The following ALG5 variants were observed in gnomAD, a reference collection of about 807,000 sequenced individuals.
ALG5 encodes ALG5 dolichyl-phosphate beta-glucosyltransferase.
Under a neutral mutation model 51.8 loss-of-function variants are expected in ALG5, and 26 were observed. The ratio of observed to expected loss-of-function variants is 0.50; its 90% CI spans 0.37 to 0.70. ALG5 has a LOEUF of 0.70. Among genes scored for constraint, ALG5 ranks in the 30% least tolerant of loss-of-function variants. The pLI is 0.00. For missense variants in ALG5, 311 were observed against 399.3 expected (o/e 0.78, Z 1.88); for synonymous variants, 141 against 136.1 (o/e 1.04, Z -0.25).
At position 36,999,249 on chromosome 13, in the gene ALG5, C is replaced by CG. The variant is rs756364079; in HGVS notation, c.51dup (p.Ala18ArgfsTer24). 1 of 1,579,760 alleles carries CG rather than the reference C, an allele frequency of 6.3e-7. No individual in the cohort carries two copies. The highest frequency in any genetic ancestry group is 8.6e-7 in the Non-Finnish European group (1 of 1,165,964). ...CCTGTTCTCACCAGTACGAGGGCTG[C>CG]GGCCGCCAGCGCCGCGCCGAGCACC... On this transcript the variant is annotated frameshift_variant, in exon 1 of 10. Coordinates refer to ENST00000239891, the MANE Select transcript of ALG5 (RefSeq NM_013338.5). LOFTEE classifies it high-confidence loss of function.
chr13:36,987,687 T>A (rs1201324938), intron 5 of ALG5, among the ~76,000 whole-genome samples: 2 of 152,318 alleles, frequency 1.3e-5, no homozygotes, highest in East Asian at 3.9e-4. Flanking sequence ...TTATCCAGTC[T>A]CAGGTATTTC....
chr13:36,988,690 G>A (rs2059012461), intron 5 of ALG5, among the ~76,000 whole-genome samples: 1 of 151,818 alleles, frequency 6.6e-6, no homozygotes, highest in Admixed American at 6.5e-5. Context: ...GGCAACATGT[G>A]ATGATTTGTA....
At chr13:36,983,949 T>C (rs1267248805) in intron 6 of ALG5, among the ~76,000 whole-genome samples, 2 of 152,166 alleles carry the variant, frequency 1.3e-5, no homozygotes, top group Non-Finnish European at 2.9e-5. Flanking sequence ...CTTATATGTT[T>C]ACCTTTTTGT....
At chr13:36,995,675 C>T in intron 1 of ALG5, 79 bp from the exon 2 acceptor site, 1 of 1,325,376 alleles carries the variant, frequency 7.5e-7, no homozygotes, top group Non-Finnish European at 1.0e-6. Context: ...TAGAATACAT[C>T]ATCTACTTTT....
chr13:36,974,845 T>C (rs1010013408), intron 6 of ALG5, among the ~76,000 whole-genome samples: 2 of 152,112 alleles, frequency 1.3e-5, no homozygotes, highest in South Asian at 2.1e-4. Flanking sequence ...CTTAATACCA[T>C]CAGACATACA....
At chr13:36,974,851 A>G (rs1450889951) in intron 6 of ALG5, among the ~76,000 whole-genome samples, 2 of 152,178 alleles carry the variant, frequency 1.3e-5, no homozygotes, top group African/African-American at 2.4e-5. Flanking sequence ...ACCATCAGAC[A>G]TACATATTTC....
chr13:36,949,925 T>G lies in ALG5; in HGVS notation c.*17A>C. The G allele has an allele frequency of 6.5e-7, 1 of 1,549,976 alleles. No individual in the cohort carries two copies. Among genetic ancestry groups the G allele is most frequent in the African/African-American group, 1.4e-5 (1 of 73,374 alleles). On this transcript the variant is annotated 3_prime_UTR_variant, in exon 10 of 10. Transcript: ENST00000239891. ...TGACACTGAAGCATAAGAACACAAC[T>G]GAAGACTGCAAACAACCTAATTCAT... is the stretch of plus-strand genomic sequence containing the variant.
At chr13:36,972,099 T>G in intron 6 of ALG5, 63 bp from the exon 7 acceptor site, 1 of 1,216,248 alleles carries the variant, frequency 8.2e-7, no homozygotes, top group Non-Finnish European at 1.2e-6. Flanking sequence ...ATATTTATTT[T>G]CAATGAGAAT....
intron 8 of ALG5, among the ~76,000 whole-genome samples, chr13:36,957,455 GC>G (rs2058845113): frequency 6.6e-6 from 1 of 151,968 alleles, no homozygotes; most frequent in Non-Finnish European, 1.5e-5. Context: ...AGTGACAATG[GC>G]CCCGCTTTCA....
intron 3 of ALG5, among the ~76,000 whole-genome samples, chr13:36,994,682 CAA>C (rs1242694744): frequency 4.0e-5 from 6 of 151,700 alleles, no homozygotes; most frequent in Non-Finnish European, 5.9e-5. Context: ...TGGCATCATA[CAA>C]AGTCTGCAGA....
chr13:36,950,333 T>C (rs2058812777), intron 9 of ALG5, among the ~76,000 whole-genome samples: 1 of 152,144 alleles, frequency 6.6e-6, no homozygotes, highest in Non-Finnish European at 1.5e-5. Flanking sequence ...CTACATATGG[T>C]GAGGGCTCTA....
At chr13:36,989,858 A>C (rs1453642374) in intron 4 of ALG5, among the ~76,000 whole-genome samples, 1 of 152,200 alleles carries the variant, frequency 6.6e-6, no homozygotes, top group Non-Finnish European at 1.5e-5. Flanking sequence ...GAGCTGCTAA[A>C]AAACAAACAA....
At chr13:36,961,938 C>T (rs1327315204) in intron 8 of ALG5, among the ~76,000 whole-genome samples, 4 of 152,064 alleles carry the variant, frequency 2.6e-5, no homozygotes, top group African/African-American at 4.8e-5. Context: ...CCTACCACCA[C>T]GCTTGGCTAA....
chr13:36,976,425 CAAAAAAAAAAAAAAA>C (rs57192095), intron 6 of ALG5, among the ~76,000 whole-genome samples: 31 of 36,616 alleles, frequency 8.5e-4, no homozygotes, highest in South Asian at 1.3e-3. Context: ...GACTCTGTCT[CAAAAAAAAAAAAAAA>C]AAAAAAAAAA....
chr13:36,961,629 A>G (rs1366226212), intron 8 of ALG5, among the ~76,000 whole-genome samples: 1 of 152,220 alleles, frequency 6.6e-6, no homozygotes, highest in African/African-American at 2.4e-5. Context: ...ACAACTGTAT[A>G]TATATGTATC....
At chr13:36,999,135 T>C in intron 1 of ALG5, 100 bp downstream of exon 1, 2 of 1,156,906 alleles carry the variant, frequency 1.7e-6, no homozygotes, top group South Asian at 2.1e-5. Context: ...AAGGGACTTC[T>C]CCGAGAACTG....
At chr13:36,993,021 C>T (rs1460756787) in intron 4 of ALG5, among the ~76,000 whole-genome samples, 3 of 152,202 alleles carry the variant, frequency 2.0e-5, no homozygotes, top group East Asian at 1.9e-4. Flanking sequence ...AGAAGATGCA[C>T]AGCCTCAGCT....
rs373213937 is a variant in ALG5 at position 36,999,188 on chromosome 13, G to T, written c.66+47C>A. ...ACGCCTGAGGAGCCGCAGTCTCCAG[G>T]AGAGCGGTAAGCCCCGGCCTGCGCG... On this transcript the variant is annotated intron_variant, in intron 1 of 9. Transcript: ENST00000239891. The T allele has an allele frequency of 1.9e-5, 28 of 1,505,140 alleles. No homozygotes were observed. In the African/African-American group the frequency reaches 3.9e-4, roughly 21 times the overall value. The allele number at this position is 1,505,140 out of a possible 1,614,324, so 93.2% of individuals were successfully genotyped here.
rs75777262 is a variant in ALG5, at chr13:36,975,672, T to G, written c.562-3636A>C. Among the ~76,000 whole-genome samples, 11 of 152,352 alleles carry G rather than the reference T, an allele frequency of 7.2e-5. No individual in the cohort carries two copies. The East Asian group carries it at 1.9e-3, about 27-fold the overall frequency. On this transcript the variant is annotated intron_variant, in intron 6 of 9. Coordinates refer to ENST00000239891, the MANE Select transcript of ALG5 (RefSeq NM_013338.5). ...CTTATCTGTATTTTAGATTTCCTTC[T>G]TTGGAGTCATAGATGTAGAATACTA...
Sources: gnomAD v4.1 joint callset for allele counts (sites outside exome capture counted in the v4.1 genomes callset) on GRCh38, gnomAD v4.1.1 for gene constraint, MANE v1.5 for transcripts, NCBI Gene and HGNC (gene_info 2026-07-23, HGNC 2026-07-21) for gene names.